Variants in PSMB9 observed in about 807,000 individuals in gnomAD.
PSMB9 encodes the protein proteasome subunit beta type-9.
A neutral mutation model predicts 26.9 loss-of-function variants in PSMB9; 16 were observed. The ratio of observed to expected loss-of-function variants is 0.59; its 90% CI spans 0.40 to 0.90. The LOEUF (loss-of-function observed/expected upper bound fraction) is 0.90. PSMB9 is among the 40% of genes least tolerant of loss of function. The pLI, the probability that PSMB9 is intolerant of heterozygous loss-of-function variation, is 0.00. For synonymous variants in PSMB9, 91 were observed against 112.0 expected (o/e 0.81, Z 1.18); for missense variants, 253 against 292.2 (o/e 0.87, Z 0.98).
At position 32,856,174 on chromosome 6, in the gene PSMB9, G is replaced by T; in HGVS notation, c.97G>T (p.Val33Leu). ...GGCAGTGGAGTTTGACGGGGGCGTT[G>T]TGATGGGTTCTGATTCCCGAGTGTC... is the stretch of plus-strand genomic sequence containing the variant. ...IMAVEFDGGV[V>L]MGSDSRVSAG... Residue 33 changes from valine to leucine, a missense_variant, in exon 2 of 6, where the codon GTG becomes TTG. Val to Leu is a conservative substitution (Grantham distance 32). Transcript: ENST00000374859. 3 of 1,613,056 alleles carry T rather than the reference G, an allele frequency of 1.9e-6. No individual in the cohort carries two copies. Among genetic ancestry groups the T allele is most frequent in the Non-Finnish European group, 2.5e-6 (3 of 1,180,006 alleles).
Position 32,854,709 on chromosome 6 carries a change from T to C in PSMB9, c.60+420T>C, listed in dbSNP as rs981177783. ...TGGGAGAAGGAAATATAGGCACTTATTGAGAAGGACCAACTCATCACACAG... is the reference window on the plus strand; with the variant it reads ...TGGGAGAAGGAAATATAGGCACTTACTGAGAAGGACCAACTCATCACACAG... On this transcript the variant is annotated intron_variant, in intron 1 of 5. Coordinates refer to ENST00000374859, the MANE Select transcript of PSMB9 (RefSeq NM_002800.5). This position sits in a 1 kb window ranked among gnomAD's most constrained non-coding sequence, Gnocchi z 4.6. Among the ~76,000 whole-genome samples the C allele has an allele frequency of 7.2e-5, 11 of 152,194 alleles. No individual in the cohort carries two copies. The highest frequency in any genetic ancestry group is 1.9e-4 in the African/African-American group (8 of 41,444).
chr6:32,859,523 T>C lies in PSMB9; in HGVS notation c.651T>C (p.Tyr217=). Residue 217 remains tyrosine (Y), a synonymous_variant, in exon 6 of 6, where the codon TAT becomes TAC. Transcript: ENST00000374859. Reference sequence around the variant, plus strand: ...TGGGCAATGAACTGCCAAAATTCTATGATGAGTGAACCTTCCCCAGACTTC... The same window carrying C: ...TGGGCAATGAACTGCCAAAATTCTACGATGAGTGAACCTTCCCCAGACTTC... ...VILGNELPKF[Y]DE is the part of the protein sequence containing the mutation. The C allele has an allele frequency of 7.4e-6, 12 of 1,613,742 alleles. No homozygotes were observed. Among genetic ancestry groups the C allele is most frequent in the Non-Finnish European group, 1.0e-5 (12 of 1,179,912 alleles).
At position 32,856,350 on chromosome 6, in the gene PSMB9, A is replaced by G. The variant is rs1771160171; in HGVS notation, c.128+145A>G. On this transcript the variant is annotated intron_variant, in intron 2 of 5. Transcript: ENST00000374859. ...TCCCCAAAAGCCACTATGATAAGCTATTTGGTGGGTGCTTGGGTCTCTGAA... is the reference window on the plus strand; with the variant it reads ...TCCCCAAAAGCCACTATGATAAGCTGTTTGGTGGGTGCTTGGGTCTCTGAA... The G allele has an allele frequency of 6.6e-6, 5 of 759,532 alleles. 1 individual carries two copies. The Middle Eastern group carries it at 1.1e-3, about 170-fold the overall frequency. 47.0% of individuals were successfully genotyped at this position (759,532 alleles called of 1,614,324 possible).
At position 32,855,896 on chromosome 6, in the gene PSMB9, G is replaced by T. The variant is rs573305638; in HGVS notation, c.61-242G>T. ...TTCCACTAGGCAAGTTGGAACTTAG[G>T]GACACAGTTCTTTCTGTGTTGTATC... On this transcript the variant is annotated intron_variant, in intron 1 of 5. Coordinates refer to ENST00000374859, the MANE Select transcript of PSMB9 (RefSeq NM_002800.5). Among the ~76,000 whole-genome samples, 32 of 152,272 alleles carry T rather than the reference G, an allele frequency of 2.1e-4. No homozygotes were observed. In the South Asian group the frequency reaches 5.4e-3, roughly 26 times the overall value.
Position 32,854,979 on chromosome 6 carries a change from G to A in PSMB9, c.60+690G>A, listed in dbSNP as rs1013749008. Among the ~76,000 whole-genome samples the A allele has an allele frequency of 1.1e-4, 16 of 152,188 alleles. No individual in the cohort carries two copies. The highest frequency in any genetic ancestry group is 5.9e-4 in the Admixed American group (9 of 15,284). On this transcript the variant is annotated intron_variant, in intron 1 of 5. Coordinates refer to ENST00000374859, the MANE Select transcript of PSMB9 (RefSeq NM_002800.5). The surrounding 1 kb of genome is among the most constrained non-coding windows in gnomAD (Gnocchi z 4.6). The stretch of plus-strand genomic sequence containing the variant: ...GACTGGCTGGCTGGCTTCTGCTCTG[G>A]ACTACTGCCACCACTCGTGGCTTGG...
At position 32,859,752 on chromosome 6, in the gene PSMB9, T is replaced by C. The variant is rs979299477; in HGVS notation, c.*220T>C. Among the ~76,000 whole-genome samples the C allele has an allele frequency of 1.3e-5, 2 of 151,672 alleles. No individual in the cohort carries two copies. The highest frequency in any genetic ancestry group is 2.9e-5 in the Non-Finnish European group (2 of 67,948). On this transcript the variant is annotated 3_prime_UTR_variant, in exon 6 of 6. Transcript: ENST00000374859. The stretch of plus-strand genomic sequence containing the variant: ...TAAACTAGAAATATAAAGAGCCCTA[T>C]ACATGACAGGTGATCACGTACTGAA...
rs1357697153 is a variant in PSMB9 at position 32,854,336 on chromosome 6, A to T, written c.60+47A>T. ...GTTGGCAGAGGGGTGGAGGAGATGC[A>T]GCGGCCAGGGGACCCTGGAAGCGCG... On this transcript the variant is annotated intron_variant, in intron 1 of 5. Coordinates refer to ENST00000374859, the MANE Select transcript of PSMB9 (RefSeq NM_002800.5). This position sits in a 1 kb window ranked among gnomAD's most constrained non-coding sequence, Gnocchi z 4.6. The T allele has an allele frequency of 1.9e-5, 27 of 1,430,770 alleles. No homozygotes were observed. The highest frequency in any genetic ancestry group is 2.4e-5 in the Non-Finnish European group (26 of 1,089,890). The allele number at this position is 1,430,770 out of a possible 1,614,324, so 88.6% of individuals were successfully genotyped here.
At chr6:32,859,035 G>A (rs1261043234) in intron 5 of PSMB9, 1 of 193,944 alleles carries the variant, frequency 5.2e-6, no homozygotes, top group Non-Finnish European at 1.0e-5. Flanking sequence ...CTAGGTGACA[G>A]AGAGAGACCC....
chr6:32,855,693 C>CAA (rs28986263), intron 1 of PSMB9, among the ~76,000 whole-genome samples: 51 of 141,898 alleles, frequency 3.6e-4, no homozygotes, highest in Admixed American at 1.3e-3. Context: ...GATTGTGGAC[C>CAA]AAAAAAAAAA....
chr6:32,857,238 G>T, intron 2 of PSMB9, 25 bp from the exon 3 acceptor site: 1 of 1,506,998 alleles, frequency 6.6e-7, no homozygotes, highest in South Asian at 1.2e-5. Flanking sequence ...TTTTAACTTG[G>T]TGACTGTTGA....
rs766703843 is a variant in PSMB9, at chr6:32,857,377, CCAG to C, written c.245_247del (p.Gln82del). 1 of 1,612,500 alleles carries C rather than the reference CCAG, an allele frequency of 6.2e-7. No individual in the cohort carries two copies. Among genetic ancestry groups the C allele is most frequent in the Admixed American group, 1.7e-5 (1 of 60,010 alleles). ...AAGCCGTGGCCGACATGGCCGCCTA[CCAG>C]CTGGAGCTCCATGGGTATGAAGCTC... On this transcript the variant is annotated inframe_deletion, in exon 3 of 6. Transcript: ENST00000374859.
rs763290527 is a variant in PSMB9 at position 32,858,777 on chromosome 6, G to T, written c.532+272G>T. The T allele has an allele frequency of 3.8e-6, 2 of 528,388 alleles. No homozygotes were observed. The highest frequency in any genetic ancestry group is 6.8e-6 in the Non-Finnish European group (2 of 294,778). The allele number at this position is 528,388 out of a possible 1,614,324, so 32.7% of individuals were successfully genotyped here. ...GTGCTAAGCACAGTGGCTCACACCT[G>T]TAATGCCAACAATTTGGGAGGCTGA... is the stretch of plus-strand genomic sequence containing the variant. On this transcript the variant is annotated intron_variant, in intron 5 of 5. Coordinates refer to ENST00000374859, the MANE Select transcript of PSMB9 (RefSeq NM_002800.5). The surrounding 1 kb of genome is among the most constrained non-coding windows in gnomAD (Gnocchi z 5.2).
chr6:32,857,535 G>A, intron 3 of PSMB9, 141 bp downstream of exon 3: 3 of 1,068,672 alleles, frequency 2.8e-6, no homozygotes, highest in Non-Finnish European at 2.6e-6. Context: ...ACTTGAATCT[G>A]TCAGTTTCTG....
In PSMB9 at chr6:32,854,216, G is replaced by C; in HGVS notation, c.-14G>C. 1.9e-6 allele frequency: 3 copies of C among 1,546,754 alleles called. No individual in the cohort carries two copies. Among genetic ancestry groups the C allele is most frequent in the Non-Finnish European group, 1.7e-6 (2 of 1,146,532 alleles). Reference sequence around the variant, plus strand: ...CAGTGCCCCAGGCGGCGAGGAGAGCGGTGCCTTGCAGGGATGCTGCGGGCG... The same window carrying C: ...CAGTGCCCCAGGCGGCGAGGAGAGCCGTGCCTTGCAGGGATGCTGCGGGCG... On this transcript the variant is annotated 5_prime_UTR_variant, in exon 1 of 6. Transcript: ENST00000374859. This position sits in a 1 kb window ranked among gnomAD's most constrained non-coding sequence, Gnocchi z 4.6.
Position 32,858,574 on chromosome 6 carries a change from A to T in PSMB9, c.532+69A>T. 6.2e-7 allele frequency: 1 copy of T among 1,601,640 alleles called. No individual in the cohort carries two copies. Among genetic ancestry groups the T allele is most frequent in the Non-Finnish European group, 8.5e-7 (1 of 1,172,400 alleles). On this transcript the variant is annotated intron_variant, in intron 5 of 5. Coordinates refer to ENST00000374859, the MANE Select transcript of PSMB9 (RefSeq NM_002800.5). The surrounding 1 kb of genome is among the most constrained non-coding windows in gnomAD (Gnocchi z 5.2). ...ATGGGAAGGAAGTAGATTATGAGGAACAGGAAGAGAAATACAGGGGTGGCC... is the reference window on the plus strand; with the variant it reads ...ATGGGAAGGAAGTAGATTATGAGGATCAGGAAGAGAAATACAGGGGTGGCC...
intron 3 of PSMB9, 190 bp downstream of exon 3, chr6:32,857,584 G>C (rs1203143290): frequency 1.6e-6 from 1 of 635,768 alleles, no homozygotes; most frequent in Non-Finnish European, 2.5e-6. Flanking sequence ...CTCATGAGAC[G>C]GTTATTTTGA....
chr6:32,858,960 A>G lies in PSMB9; in HGVS notation c.533-445A>G. 3.9e-6 allele frequency: 1 copy of G among 254,038 alleles called. No individual in the cohort carries two copies. The highest frequency in any genetic ancestry group is 7.7e-6 in the Non-Finnish European group (1 of 129,970). The allele number at this position is 254,038 out of a possible 1,614,324, so 15.7% of individuals were successfully genotyped here. The stretch of plus-strand genomic sequence containing the variant: ...CCAGCTACTCAGGAGGCTGAGGTGG[A>G]AAGATCATCTGAGCCGGGGAGATCA... On this transcript the variant is annotated intron_variant, in intron 5 of 5. Coordinates refer to ENST00000374859, the MANE Select transcript of PSMB9 (RefSeq NM_002800.5). The surrounding 1 kb of genome is among the most constrained non-coding windows in gnomAD (Gnocchi z 5.2).
At position 32,858,522 on chromosome 6, in the gene PSMB9, A is replaced by C. The variant is rs186701478; in HGVS notation, c.532+17A>C. On this transcript the variant is annotated intron_variant, in intron 5 of 5. Coordinates refer to ENST00000374859, the MANE Select transcript of PSMB9 (RefSeq NM_002800.5). The surrounding 1 kb of genome is among the most constrained non-coding windows in gnomAD (Gnocchi z 5.2). ...CCACAGACGGTAACCAGCCAAGTGGAAGGGTACCTGGGGAGGGCTTTGAAA... is the reference window on the plus strand; with the variant it reads ...CCACAGACGGTAACCAGCCAAGTGGCAGGGTACCTGGGGAGGGCTTTGAAA... 57 of 1,612,886 alleles carry C rather than the reference A, an allele frequency of 3.5e-5. No homozygotes were observed. Among genetic ancestry groups the C allele is most frequent in the Non-Finnish European group, 4.5e-5 (53 of 1,180,014 alleles).
At position 32,858,137 on chromosome 6, in the gene PSMB9, G is replaced by A; in HGVS notation, c.390+3G>A. The A allele has an allele frequency of 6.2e-7, 1 of 1,612,996 alleles. No individual in the cohort carries two copies. The highest frequency in any genetic ancestry group is 8.5e-7 in the Non-Finnish European group (1 of 1,179,994). ...GGGACCAACGTGAAGGAGGTCAGGTGAGTTTCTCCCAAAGCACTCTCTCCT... is the reference window on the plus strand; with the variant it reads ...GGGACCAACGTGAAGGAGGTCAGGTAAGTTTCTCCCAAAGCACTCTCTCCT... On this transcript the variant is annotated splice_donor_region_variant and intron_variant, in intron 4 of 5. Coordinates refer to ENST00000374859, the MANE Select transcript of PSMB9 (RefSeq NM_002800.5). The surrounding 1 kb of genome is among the most constrained non-coding windows in gnomAD (Gnocchi z 5.2).
Sources: gnomAD v4.1 joint callset for allele counts (sites outside exome capture counted in the v4.1 genomes callset) on GRCh38, gnomAD v4.1.1 for gene constraint, Gnocchi (gnomAD v3.1) non-coding constraint, MANE v1.5 for transcripts, NCBI Gene and HGNC (gene_info 2026-07-23, HGNC 2026-07-21) for gene names.